The following PIGF variants were observed in gnomAD, a reference collection of about 807,000 sequenced individuals.
PIGF encodes phosphatidylinositol glycan anchor biosynthesis class F.
Under a neutral mutation model 26.0 loss-of-function variants are expected in PIGF, and 23 were observed. The observed-to-expected ratio is 0.88, with a 90% CI of 0.64 to 1.25. The LOEUF (loss-of-function observed/expected upper bound fraction) is 1.25. Among genes scored for constraint, PIGF ranks in the 50% most tolerant of loss-of-function variants. The probability of loss-of-function intolerance (pLI) is 0.00; values close to 1 mark genes in which losing one functional copy is unlikely to be tolerated. For synonymous variants in PIGF, 93 were observed against 92.6 expected, an observed-to-expected ratio of 1.00 and a Z score of -0.03; for missense variants, 278 against 249.9, an observed-to-expected ratio of 1.11 and a Z score of -0.76.
At chr2:46,600,614 C>T (rs1025093857) in intron 4 of PIGF, among the ~76,000 whole-genome samples, 3 of 152,098 alleles carry the variant, frequency 2.0e-5, no homozygotes, top group African/African-American at 7.2e-5. Context: ...GGAAGAGAAA[C>T]TGCTGCCATC....
chr2:46,586,340 G>T (rs1669570652), intron 5 of PIGF, among the ~76,000 whole-genome samples: 1 of 152,114 alleles, frequency 6.6e-6, no homozygotes, highest in South Asian at 2.1e-4. Context: ...GAAACTATTT[G>T]TGGAGCCCCT....
chr2:46,592,875 T>C (rs1248543106), intron 4 of PIGF, among the ~76,000 whole-genome samples: 2 of 152,224 alleles, frequency 1.3e-5, no homozygotes, highest in African/African-American at 4.8e-5. Context: ...CCTGGTTCCT[T>C]TCCCCACAGG....
At chr2:46,594,443 G>C (rs571001052) in intron 4 of PIGF, among the ~76,000 whole-genome samples, 3 of 151,726 alleles carry the variant, frequency 2.0e-5, no homozygotes, top group African/African-American at 7.3e-5. Context: ...CTGGAGAAAA[G>C]AGCTGCACTG....
intron 5 of PIGF, among the ~76,000 whole-genome samples, chr2:46,592,266 T>C (rs1572770647): frequency 6.6e-6 from 1 of 152,168 alleles, no homozygotes; most frequent in Non-Finnish European, 1.5e-5. Context: ...CAAAAAATAG[T>C]GCTAGAAGAT....
At chr2:46,591,499 T>C in intron 5 of PIGF, 1 of 845,984 alleles carries the variant, frequency 1.2e-6, no homozygotes, top group Non-Finnish European at 1.4e-6. Context: ...ACATTTATTT[T>C]TTAATACCAT....
At position 46,600,243 on chromosome 2, in the gene PIGF, C is replaced by T. The variant is rs370864705; in HGVS notation, c.438-7660G>A. ...AGGCCTGATGGGGAGTCAGGGAAAC[C>T]TACACTCTATTGGTAGGAATATGTA... On this transcript the variant is annotated intron_variant, in intron 4 of 5. Coordinates refer to ENST00000281382, the MANE Select transcript of PIGF (RefSeq NM_002643.4). 8.5e-5 allele frequency among the ~76,000 whole-genome samples: 13 copies of T among 152,262 alleles called. No homozygotes were observed. The East Asian group carries it at 1.4e-3, about 16-fold the overall frequency.
At chr2:46,596,182 C>A (rs970426326) in intron 4 of PIGF, among the ~76,000 whole-genome samples, 3 of 150,812 alleles carry the variant, frequency 2.0e-5, no homozygotes, top group African/African-American at 7.3e-5. Context: ...CCATTATACT[C>A]CAGCCTGGCG....
At chr2:46,598,795 C>A (rs781551263) in intron 4 of PIGF, among the ~76,000 whole-genome samples, 4 of 152,120 alleles carry the variant, frequency 2.6e-5, no homozygotes, top group African/African-American at 9.7e-5. Flanking sequence ...CTAAAAACCA[C>A]TGAATTATAC....
intron 4 of PIGF, among the ~76,000 whole-genome samples, chr2:46,600,862 G>A (rs182718471): frequency 4.6e-5 from 7 of 151,906 alleles, no homozygotes; most frequent in Admixed American, 4.6e-4. Flanking sequence ...ACACATTAGT[G>A]GGAAAAAAGT....
chr2:46,598,411 G>C (rs1419428675), intron 4 of PIGF, among the ~76,000 whole-genome samples: 2 of 151,886 alleles, frequency 1.3e-5, no homozygotes, highest in Admixed American at 6.5e-5. Context: ...AATCTACAGA[G>C]ATAGAAAATA....
intron 5 of PIGF, chr2:46,591,671 G>A: frequency 9.9e-7 from 1 of 1,012,190 alleles, no homozygotes; most frequent in Non-Finnish European, 1.2e-6. Flanking sequence ...GTATATAATG[G>A]CATACTACAA....
intron 4 of PIGF, among the ~76,000 whole-genome samples, chr2:46,594,861 T>G (rs978182973): frequency 5.9e-5 from 9 of 151,360 alleles, no homozygotes; most frequent in Admixed American, 2.0e-4. Context: ...TGTTTGTTTT[T>G]GTTTTTGAGA....
At chr2:46,610,892 C>T (rs1012630099) in intron 4 of PIGF, among the ~76,000 whole-genome samples, 4 of 152,182 alleles carry the variant, frequency 2.6e-5, no homozygotes, top group African/African-American at 7.2e-5. Flanking sequence ...ACTCAGCATG[C>T]ATCTTTTGCT....
In PIGF at chr2:46,588,211, G is replaced by C. The variant is rs1311513413; in HGVS notation, c.546+4264C>G. 6.2e-7 allele frequency: 1 copy of C among 1,607,764 alleles called. No individual in the cohort carries two copies. Among genetic ancestry groups the C allele is most frequent in the East Asian group, 2.2e-5 (1 of 44,534 alleles). On this transcript the variant is annotated intron_variant, in intron 5 of 5. Coordinates refer to ENST00000281382, the MANE Select transcript of PIGF (RefSeq NM_002643.4). The surrounding 1 kb of genome is among the most constrained non-coding windows in gnomAD (Gnocchi z 4.1). ...TGTCAGACAGGATTGAAAATTATGT[G>C]AAATCCAAATACCCTAAATTGGCAT...
intron 4 of PIGF, among the ~76,000 whole-genome samples, chr2:46,607,057 T>C (rs1335454145): frequency 3.3e-5 from 5 of 152,210 alleles, no homozygotes; most frequent in African/African-American, 1.2e-4. Flanking sequence ...GGCAAATCTA[T>C]AGAGACAGTA....
chr2:46,603,903 C>A (rs1156730599), intron 4 of PIGF, among the ~76,000 whole-genome samples: 1 of 151,936 alleles, frequency 6.6e-6, no homozygotes, highest in African/African-American at 2.4e-5. Flanking sequence ...AAGAAACAAT[C>A]AAGAAAGTGA....
chr2:46,584,847 C>A (rs1669517365), intron 5 of PIGF, among the ~76,000 whole-genome samples: 1 of 152,070 alleles, frequency 6.6e-6, no homozygotes, highest in African/African-American at 2.4e-5. Flanking sequence ...TAGGGAACAG[C>A]AAAAGGAGGG....
intron 4 of PIGF, among the ~76,000 whole-genome samples, chr2:46,598,884 T>C (rs1245752875): frequency 1.3e-5 from 2 of 152,166 alleles, no homozygotes; most frequent in East Asian, 3.8e-4. Context: ...AAATGAAACA[T>C]TAAAACAGCT....
intron 4 of PIGF, among the ~76,000 whole-genome samples, chr2:46,602,194 TG>T (rs1397794129): frequency 3.9e-5 from 6 of 151,988 alleles, no homozygotes. Flanking sequence ...AGTATTCTTT[TG>T]TTTTGTTTTC....
Sources: gnomAD v4.1 joint callset for allele counts (sites outside exome capture counted in the v4.1 genomes callset) on GRCh38, gnomAD v4.1.1 for gene constraint, Gnocchi (gnomAD v3.1) non-coding constraint, MANE v1.5 for transcripts, NCBI Gene and HGNC (gene_info 2026-07-23, HGNC 2026-07-21) for gene names.